Variants in DCC observed in about 807,000 individuals in gnomAD.
DCC encodes the protein netrin receptor DCC.
Under a neutral mutation model 172.5 loss-of-function variants are expected in DCC, and 58 were observed. The ratio of observed to expected loss-of-function variants is 0.34; its 90% CI spans 0.27 to 0.42. The LOEUF (loss-of-function observed/expected upper bound fraction) is 0.42. DCC is among the 10% of genes least tolerant of loss of function. The pLI is 1.00. For synonymous variants in DCC, 709 were observed against 644.5 expected (o/e 1.10, Z -1.52); for missense variants, 1,740 against 1,791.0 (o/e 0.97, Z 0.51).
intron 27 of DCC, among the ~76,000 whole-genome samples, chr18:53,516,844 T>C (rs2046339796): frequency 7.1e-6 from 1 of 140,870 alleles, no homozygotes; most frequent in Non-Finnish European, 1.5e-5. Context: ...TTTGACACTG[T>C]TGGTGGGACT....
chr18:52,635,482 A>G (rs1249190130), intron 1 of DCC, among the ~76,000 whole-genome samples: 1 of 152,240 alleles, frequency 6.6e-6, no homozygotes, highest in African/African-American at 2.4e-5. Context: ...CTGATTATAT[A>G]TTATTTGAAT....
chr18:52,341,261 G>A (rs1261334760), intron 1 of DCC, among the ~76,000 whole-genome samples: 1 of 152,154 alleles, frequency 6.6e-6, no homozygotes, highest in Non-Finnish European at 1.5e-5. Flanking sequence ...GGCAACAGGA[G>A]CAGGCGAGGA....
intron 1 of DCC, among the ~76,000 whole-genome samples, chr18:52,688,241 A>G (rs2035873272): frequency 6.6e-6 from 1 of 151,764 alleles, no homozygotes; most frequent in African/African-American, 2.4e-5. Context: ...TGCTGTAGGC[A>G]CAGCTAGTGT....
chr18:52,359,418 C>T (rs939850072), intron 1 of DCC, among the ~76,000 whole-genome samples: 7 of 152,104 alleles, frequency 4.6e-5, no homozygotes, highest in South Asian at 2.1e-4. Context: ...CTCAAAGACT[C>T]GATTTCTCAG....
chr18:53,209,526 A>G lies in DCC; in HGVS notation c.1861+1709A>G, dbSNP rs73461561. On this transcript the variant is annotated intron_variant, in intron 11 of 28. Transcript: ENST00000442544. ...ATTCTGGGAAAGTACCTGGGTGTAC[A>G]TTTCACACAATATCAGTGAAATGAG... Among the ~76,000 whole-genome samples the G allele has an allele frequency of 1.7e-3, 266 of 152,352 alleles. 2 individuals are homozygous for G. Among genetic ancestry groups the G allele is most frequent in the African/African-American group, 6.3e-3 (261 of 41,586 alleles).
intron 7 of DCC, among the ~76,000 whole-genome samples, chr18:53,093,342 A>G (rs1285075897): frequency 1.3e-5 from 2 of 152,208 alleles, no homozygotes; most frequent in Admixed American, 1.3e-4. Context: ...ATTGATGATA[A>G]AAATTTTGAA....
intron 15 of DCC, among the ~76,000 whole-genome samples, chr18:53,347,646 C>T (rs1450361476): frequency 6.6e-6 from 1 of 152,130 alleles, no homozygotes; most frequent in Admixed American, 6.6e-5. Context: ...AGTCTGTTTT[C>T]ATGCTGCTAA....
chr18:52,640,824 C>G (rs1598978909), intron 1 of DCC, among the ~76,000 whole-genome samples: 1 of 152,024 alleles, frequency 6.6e-6, no homozygotes, highest in East Asian at 1.9e-4. Context: ...TAATCCCCAT[C>G]AAAATACCAC....
At chr18:53,283,924 C>A (rs1598981879) in intron 12 of DCC, among the ~76,000 whole-genome samples, 1 of 139,266 alleles carries the variant, frequency 7.2e-6, no homozygotes, top group East Asian at 2.1e-4. Context: ...ACAAACAGAT[C>A]AATGGAAACT....
At chr18:53,208,615 T>C (rs1001678456) in intron 11 of DCC, among the ~76,000 whole-genome samples, 2 of 152,172 alleles carry the variant, frequency 1.3e-5, no homozygotes, top group Non-Finnish European at 2.9e-5. Flanking sequence ...ATGAAAAATG[T>C]GTATGTTGCC....
At chr18:52,705,609 G>A (rs982451700) in intron 1 of DCC, among the ~76,000 whole-genome samples, 4 of 152,242 alleles carry the variant, frequency 2.6e-5, no homozygotes, top group African/African-American at 9.6e-5. Flanking sequence ...GGGGTTCTTT[G>A]GACTGTGTCC....
At chr18:53,205,436 G>A in intron 10 of DCC, 72 bp downstream of exon 10, 1 of 1,476,414 alleles carries the variant, frequency 6.8e-7, no homozygotes, top group Middle Eastern at 1.7e-4. Context: ...TCTAGGGCTG[G>A]AGAAATAGGA....
intron 1 of DCC, among the ~76,000 whole-genome samples, chr18:52,546,657 A>T (rs2032624705): frequency 7.0e-6 from 1 of 142,754 alleles, no homozygotes; most frequent in African/African-American, 2.6e-5. Flanking sequence ...GATCAATAAT[A>T]ATATCATCAT....
intron 7 of DCC, among the ~76,000 whole-genome samples, chr18:53,129,938 C>T (rs564658463): frequency 6.6e-6 from 1 of 152,022 alleles, no homozygotes; most frequent in Non-Finnish European, 1.5e-5. Flanking sequence ...TACAACATAA[C>T]TAAAATAAAA....
intron 5 of DCC, among the ~76,000 whole-genome samples, chr18:53,003,809 A>G (rs1568238900): frequency 6.6e-6 from 1 of 152,114 alleles, no homozygotes; most frequent in Non-Finnish European, 1.5e-5. Flanking sequence ...GCACCTCTTT[A>G]ATATTCACCT....
chr18:53,181,488 A>AAC (rs1472544665), intron 9 of DCC, among the ~76,000 whole-genome samples: 1 of 151,456 alleles, frequency 6.6e-6, no homozygotes, highest in Admixed American at 6.6e-5. Context: ...ACTGGCTAAG[A>AAC]ACACTCATTC....
intron 9 of DCC, among the ~76,000 whole-genome samples, chr18:53,200,633 A>G (rs754943443): frequency 6.6e-6 from 1 of 152,052 alleles, no homozygotes; most frequent in Non-Finnish European, 1.5e-5. Context: ...TCTTATGGGG[A>G]TACTGCTTTG....
chr18:52,833,739 C>A (rs2038656241), intron 2 of DCC, among the ~76,000 whole-genome samples: 1 of 152,110 alleles, frequency 6.6e-6, no homozygotes, highest in Non-Finnish European at 1.5e-5. Context: ...GAGCTCACTG[C>A]AGCCTTAAAT....
chr18:52,695,379 G>A (rs796903825), intron 1 of DCC, among the ~76,000 whole-genome samples: 5 of 152,280 alleles, frequency 3.3e-5, no homozygotes, highest in African/African-American at 1.2e-4. Context: ...AATTATTAAT[G>A]ACAGTAGTCC....
Sources: gnomAD v4.1 joint callset for allele counts (sites outside exome capture counted in the v4.1 genomes callset) on GRCh38, gnomAD v4.1.1 for gene constraint, MANE v1.5 for transcripts, NCBI Gene and HGNC (gene_info 2026-07-23, HGNC 2026-07-21) for gene names.